Variants in STK32B observed in about 807,000 individuals in gnomAD.
STK32B encodes serine/threonine kinase 32B.
STK32B carries 43 observed loss-of-function variants against 52.6 expected under a neutral mutation model. The observed-to-expected ratio is 0.82, with a 90% CI of 0.64 to 1.05. The LOEUF (loss-of-function observed/expected upper bound fraction) is 1.05. STK32B is among the 50% of genes least tolerant of loss of function. STK32B has a pLI of 0.00. For synonymous variants in STK32B, 238 were observed against 204.3 expected (o/e 1.17, Z -1.41); for missense variants, 621 against 534.6 (o/e 1.16, Z -1.59).
intron 3 of STK32B, among the ~76,000 whole-genome samples, chr4:5,254,552 G>C (rs183642039): frequency 2.6e-5 from 4 of 151,992 alleles, no homozygotes; most frequent in African/African-American, 9.7e-5. Context: ...TTTTATGTAA[G>C]TTTTAATATG....
chr4:5,051,077 G>GT (rs2108749710), upstream of STK32B, among the ~76,000 whole-genome samples: 1 of 152,262 alleles, frequency 6.6e-6, no homozygotes, highest in Admixed American at 6.5e-5. Context: ...GCGTCGGTTG[G>GT]AGAGCCAGCA....
At chr4:5,495,879 T>A (rs1720190081) in intron 11 of STK32B, among the ~76,000 whole-genome samples, 1 of 152,220 alleles carries the variant, frequency 6.6e-6, no homozygotes, top group African/African-American at 2.4e-5. Flanking sequence ...CAGTGGTGGC[T>A]GCAGAACAGC....
chr4:5,215,474 G>A (rs1203309937), intron 3 of STK32B, among the ~76,000 whole-genome samples: 1 of 152,184 alleles, frequency 6.6e-6, no homozygotes, highest in African/African-American at 2.4e-5. Flanking sequence ...CCTTTCACAT[G>A]AGAACAATTT....
Position 5,396,096 on chromosome 4 carries a change from A to G in STK32B, c.435-2111A>G, listed in dbSNP as rs1182688109. ...GTTGTGTTAGCTTCCGGGGACTGCC[A>G]CAGCAAATTACTGCAAAATCGGTGG... On this transcript the variant is annotated intron_variant, in intron 4 of 11. Transcript: ENST00000282908. The surrounding 1 kb of genome is among the most constrained non-coding windows in gnomAD (Gnocchi z 4.7). 1.3e-5 allele frequency among the ~76,000 whole-genome samples: 2 copies of G among 152,212 alleles called. No homozygotes were observed. Among genetic ancestry groups the G allele is most frequent in the African/African-American group, 4.8e-5 (2 of 41,452 alleles).
rs185943072 is a variant in STK32B, at chr4:5,093,576, G to C, written c.52+41661G>C. Among the ~76,000 whole-genome samples the C allele has an allele frequency of 2.8e-4, 42 of 152,254 alleles. 1 individual carries two copies. The East Asian group carries it at 5.6e-3, about 20-fold the overall frequency. ...GGGGCCTGTTGTGAGGTGGGGGAAGGGGGGAGGGATAGCATTAGGAGATAT... is the reference window on the plus strand; with the variant it reads ...GGGGCCTGTTGTGAGGTGGGGGAAGCGGGGAGGGATAGCATTAGGAGATAT... On this transcript the variant is annotated intron_variant, in intron 1 of 11. Coordinates refer to ENST00000282908, the MANE Select transcript of STK32B (RefSeq NM_018401.3).
chr4:5,280,220 A>T (rs894807908), intron 3 of STK32B, among the ~76,000 whole-genome samples: 2 of 152,062 alleles, frequency 1.3e-5, no homozygotes, highest in African/African-American at 4.8e-5. Context: ...ATTTCTCTCA[A>T]GTTCAAAGTT....
At chr4:5,416,960 C>A (rs1712216148) in intron 6 of STK32B, 26 bp downstream of exon 6, 1 of 1,593,680 alleles carries the variant, frequency 6.3e-7, no homozygotes, top group African/African-American at 1.3e-5. Flanking sequence ...CCCTTCTTTT[C>A]ATGTGATCGG....
chr4:5,346,310 G>A (rs1053813315), intron 4 of STK32B, among the ~76,000 whole-genome samples: 2 of 152,170 alleles, frequency 1.3e-5, no homozygotes, highest in Non-Finnish European at 2.9e-5. Context: ...TTTAATAGCA[G>A]TGTACATGAA....
At chr4:5,317,956 C>T (rs67411013) in intron 3 of STK32B, among the ~76,000 whole-genome samples, 4 of 152,010 alleles carry the variant, frequency 2.6e-5, no homozygotes, top group African/African-American at 7.3e-5. Flanking sequence ...TTGTCCCAGG[C>T]CTACCAAGTC....
At chr4:5,300,610 G>T (rs140411825) in intron 3 of STK32B, among the ~76,000 whole-genome samples, 130 of 152,152 alleles carry the variant, frequency 8.5e-4, no homozygotes, top group African/African-American at 3.0e-3. Context: ...AAATGTAAAT[G>T]TACAAAAATC....
At chr4:5,311,032 G>A (rs2108910249) in intron 3 of STK32B, among the ~76,000 whole-genome samples, 1 of 152,266 alleles carries the variant, frequency 6.6e-6, no homozygotes, top group African/African-American at 2.4e-5. Context: ...GTTACTAATG[G>A]TGGGGAAAAG....
At chr4:5,139,201 A>C (rs13129584) in intron 1 of STK32B, among the ~76,000 whole-genome samples, 97,614 of 151,992 alleles carry the variant, frequency 0.64, 35,367 homozygotes, top group Non-Finnish European at 0.82. Flanking sequence ...TAAGGGGAGA[A>C]AGGAGTCAAG....
intron 7 of STK32B, among the ~76,000 whole-genome samples, chr4:5,449,833 C>CTAA (rs1715823133): frequency 6.6e-6 from 1 of 152,200 alleles, no homozygotes; most frequent in African/African-American, 2.4e-5. Context: ...GCCTGATGAT[C>CTAA]TGTCACTGTC....
intron 3 of STK32B, among the ~76,000 whole-genome samples, chr4:5,292,775 CT>C (rs938306347): frequency 6.6e-6 from 1 of 150,770 alleles, no homozygotes. Flanking sequence ...GACTTTTTTT[CT>C]TTTTTTTTAA....
At chr4:5,459,970 C>A in intron 8 of STK32B, 133 bp from the exon 9 acceptor site, 1 of 1,348,350 alleles carries the variant, frequency 7.4e-7, no homozygotes, top group Non-Finnish European at 1.0e-6. Flanking sequence ...AACAGTGACC[C>A]AGACGGGGCA....
intron 6 of STK32B, among the ~76,000 whole-genome samples, chr4:5,433,970 G>A (rs1713812273): frequency 6.6e-6 from 1 of 152,192 alleles, no homozygotes; most frequent in Non-Finnish European, 1.5e-5. Flanking sequence ...CCCGTTATAT[G>A]ATGCCCTAAT....
In STK32B at chr4:5,400,400, C is replaced by A. The variant is rs563881587; in HGVS notation, c.472+2156C>A. ...TTGAGCTCCTCATCTTTTTCCACCC[C>A]CTGCTTGGCCTTCACAGTGTCCCAG... On this transcript the variant is annotated intron_variant, in intron 5 of 11. Coordinates refer to ENST00000282908, the MANE Select transcript of STK32B (RefSeq NM_018401.3). This position sits in a 1 kb window ranked among gnomAD's most constrained non-coding sequence, Gnocchi z 6.1. 1.3e-5 allele frequency among the ~76,000 whole-genome samples: 2 copies of A among 152,162 alleles called. No individual in the cohort carries two copies. Among genetic ancestry groups the A allele is most frequent in the Non-Finnish European group, 2.9e-5 (2 of 68,038 alleles).
chr4:5,403,978 A>G (rs1395967306), intron 5 of STK32B, among the ~76,000 whole-genome samples: 1 of 151,598 alleles, frequency 6.6e-6, no homozygotes, highest in African/African-American at 2.4e-5. Flanking sequence ...AAGCTGTTCT[A>G]CGTGTCCTGG....
At chr4:5,251,953 C>T (rs1725963412) in intron 3 of STK32B, among the ~76,000 whole-genome samples, 1 of 152,092 alleles carries the variant, frequency 6.6e-6, no homozygotes, top group African/African-American at 2.4e-5. Flanking sequence ...AGAACAATGT[C>T]CATGAAAGCA....
Sources: gnomAD v4.1 joint callset for allele counts (sites outside exome capture counted in the v4.1 genomes callset) on GRCh38, gnomAD v4.1.1 for gene constraint, Gnocchi (gnomAD v3.1) non-coding constraint, MANE v1.5 for transcripts, NCBI Gene and HGNC (gene_info 2026-07-23, HGNC 2026-07-21) for gene names.